The following ADAMTS6 variants were observed in gnomAD, a reference collection of about 807,000 sequenced individuals.
ADAMTS6 encodes the protein ADAM metallopeptidase with thrombospondin type 1 motif 6.
ADAMTS6 carries 23 observed loss-of-function variants against 144.3 expected under a neutral mutation model. The ratio of observed to expected loss-of-function variants is 0.16; its 90% CI spans 0.11 to 0.23. The LOEUF (loss-of-function observed/expected upper bound fraction) is 0.23. Among genes scored for constraint, ADAMTS6 ranks in the 10% least tolerant of loss-of-function variants. The probability of loss-of-function intolerance (pLI) is 1.00; values close to 1 mark genes in which losing one functional copy is unlikely to be tolerated. For missense variants in ADAMTS6, 999 were observed against 1,379.6 expected (o/e 0.72, Z 4.37); for synonymous variants, 444 against 457.5 (o/e 0.97, Z 0.38).
At chr5:65,367,775 T>G (rs1750441866) in intron 7 of ADAMTS6, among the ~76,000 whole-genome samples, 1 of 151,996 alleles carries the variant, frequency 6.6e-6, no homozygotes, top group Non-Finnish European at 1.5e-5. Flanking sequence ...CTTACAAACT[T>G]CCTGAATATT....
chr5:65,293,956 A>G (rs1378911210), intron 10 of ADAMTS6, among the ~76,000 whole-genome samples: 1 of 152,230 alleles, frequency 6.6e-6, no homozygotes, highest in Non-Finnish European at 1.5e-5. Context: ...TTTAAAAATG[A>G]ACCAGCATTT....
At chr5:65,204,302 T>C (rs1219168218) in intron 20 of ADAMTS6, among the ~76,000 whole-genome samples, 2 of 152,116 alleles carry the variant, frequency 1.3e-5, no homozygotes, top group African/African-American at 4.8e-5. Context: ...TAAATGAAAA[T>C]TATTATAGAT....
intron 9 of ADAMTS6, among the ~76,000 whole-genome samples, chr5:65,312,213 T>C (rs1744559429): frequency 6.6e-6 from 1 of 151,900 alleles, no homozygotes; most frequent in Non-Finnish European, 1.5e-5. Context: ...ACAATGATAG[T>C]CTAAACTGTG....
At chr5:65,476,469 T>C (rs964699409) in intron 1 of ADAMTS6, among the ~76,000 whole-genome samples, 2 of 152,210 alleles carry the variant, frequency 1.3e-5, no homozygotes, top group African/African-American at 4.8e-5. Context: ...ACTGGTCAGA[T>C]AGGTATAAAA....
At chr5:65,325,680 G>C (rs1746095919) in intron 9 of ADAMTS6, among the ~76,000 whole-genome samples, 1 of 151,928 alleles carries the variant, frequency 6.6e-6, no homozygotes, top group African/African-American at 2.4e-5. Context: ...TTTTTGTAGG[G>C]ACAGAGTTTG....
chr5:65,456,604 T>C (rs1018397065), intron 4 of ADAMTS6, among the ~76,000 whole-genome samples: 2 of 152,172 alleles, frequency 1.3e-5, no homozygotes, highest in Non-Finnish European at 2.9e-5. Context: ...GCAGGGACTT[T>C]TTCTGCTTTA....
intron 7 of ADAMTS6, among the ~76,000 whole-genome samples, chr5:65,366,775 C>T (rs1037558687): frequency 2.6e-5 from 4 of 152,180 alleles, no homozygotes; most frequent in Admixed American, 2.6e-4. Flanking sequence ...AATACACACT[C>T]CAGAGGATAC....
chr5:65,384,940 G>A (rs779986741), intron 7 of ADAMTS6, among the ~76,000 whole-genome samples: 8 of 152,186 alleles, frequency 5.3e-5, no homozygotes, highest in Non-Finnish European at 8.8e-5. Context: ...TGTCTGATAA[G>A]GGTTTTCTGC....
chr5:65,357,802 C>G (rs1472733769), intron 7 of ADAMTS6, among the ~76,000 whole-genome samples: 2 of 151,684 alleles, frequency 1.3e-5, no homozygotes, highest in Non-Finnish European at 3.0e-5. Flanking sequence ...AATACAAACT[C>G]TAACAGACAA....
At chr5:65,451,300 C>T in intron 7 of ADAMTS6, 175 bp downstream of exon 7, 1 of 572,598 alleles carries the variant, frequency 1.7e-6, no homozygotes, top group South Asian at 3.4e-5. Context: ...TTATTTGGTT[C>T]ATTTGATGCA....
At chr5:65,353,940 T>A (rs1465345541) in intron 7 of ADAMTS6, among the ~76,000 whole-genome samples, 1 of 151,962 alleles carries the variant, frequency 6.6e-6, no homozygotes, top group Non-Finnish European at 1.5e-5. Context: ...GTTGCAGTAG[T>A]AATGACTGAC....
intron 7 of ADAMTS6, among the ~76,000 whole-genome samples, chr5:65,347,333 C>A (rs1205201093): frequency 6.6e-6 from 1 of 151,752 alleles, no homozygotes. Flanking sequence ...AACAGAGAGC[C>A]CAGAAATAAA....
intron 22 of ADAMTS6, among the ~76,000 whole-genome samples, chr5:65,187,124 C>T (rs979923262): frequency 6.6e-6 from 1 of 152,178 alleles, no homozygotes; most frequent in Non-Finnish European, 1.5e-5. Context: ...GTTTTGCTAA[C>T]TTGAAAGAAA....
Position 65,451,617 on chromosome 5 carries a change from T to C in ADAMTS6, c.931A>G (p.Asn311Asp). 1.2e-6 allele frequency: 2 copies of C among 1,612,556 alleles called. No individual in the cohort carries two copies. The highest frequency in any genetic ancestry group is 1.7e-6 in the Non-Finnish European group (2 of 1,179,386). ...TCTGCATGGTGGTTTATCTCCAAGTTTGGCTGCAATACAACATGCATACCA... is the reference window on the plus strand; with the variant it reads ...TCTGCATGGTGGTTTATCTCCAAGTCTGGCTGCAATACAACATGCATACCA... ...RLIVLTEDQP[N>D]LEINHHADKS... The change falls in exon 7 of 25, where the codon AAC (asparagine) becomes GAC (aspartate). Residue 311 changes from asparagine to aspartate, a missense_variant. Around this residue, in one of 3 missense-constraint regions of ADAMTS6, gnomAD observed 128 missense variants for 249.0 expected, o/e 0.51. Transcript: ENST00000381055.
intron 7 of ADAMTS6, among the ~76,000 whole-genome samples, chr5:65,403,542 C>T (rs571625443): frequency 2.2e-4 from 33 of 152,140 alleles, no homozygotes; most frequent in Non-Finnish European, 3.4e-4. Flanking sequence ...AAATAATTGG[C>T]GAGTCTAAAA....
At chr5:65,319,412 GCTCGGGC>G (rs1239448948) in intron 9 of ADAMTS6, among the ~76,000 whole-genome samples, 3 of 151,164 alleles carry the variant, frequency 2.0e-5, no homozygotes, top group Admixed American at 2.0e-4. Flanking sequence ...AGGTGTGGTG[GCTCGGGC>G]CTGTAATCCC....
chr5:65,376,270 A>T (rs1751533359), intron 7 of ADAMTS6, among the ~76,000 whole-genome samples: 1 of 152,020 alleles, frequency 6.6e-6, no homozygotes, highest in African/African-American at 2.4e-5. Flanking sequence ...ATAATAATAA[A>T]AAATAAAAAC....
chr5:65,443,293 T>C (rs1318371835), intron 7 of ADAMTS6, among the ~76,000 whole-genome samples: 1 of 152,254 alleles, frequency 6.6e-6, no homozygotes, highest in Middle Eastern at 3.4e-3. Flanking sequence ...GAATAATACA[T>C]TGATGACCAA....
At chr5:65,402,661 T>C (rs1402837908) in intron 7 of ADAMTS6, among the ~76,000 whole-genome samples, 1 of 151,426 alleles carries the variant, frequency 6.6e-6, no homozygotes, top group African/African-American at 2.4e-5. Context: ...GCTATCACAA[T>C]GAATAAATGT....
Sources: allele counts gnomAD v4.1 joint callset (sites outside exome capture counted in the v4.1 genomes callset), GRCh38; gene constraint gnomAD v4.1.1; regional missense constraint gnomAD v4.1.1; transcripts MANE v1.5; gene names NCBI Gene and HGNC (gene_info 2026-07-23, HGNC 2026-07-21).